The following TG variants were observed in gnomAD, a reference collection of about 807,000 sequenced individuals.
The protein encoded by TG is thyroid hormones.
Under a neutral mutation model 324.7 loss-of-function variants are expected in TG, and 270 were observed. That is an observed-to-expected ratio of 0.83 (90% CI 0.75 to 0.92). TG has a LOEUF of 0.92. Ranked by LOEUF, TG falls within the 40% of genes least tolerant of loss-of-function variation. The pLI is 0.00. For missense variants in TG, 3,591 were observed against 3,456.4 expected, an observed-to-expected ratio of 1.04 and a Z score of -0.98; for synonymous variants, 1,401 against 1,327.0, an observed-to-expected ratio of 1.06 and a Z score of -1.21.
Position 132,919,437 on chromosome 8 carries a change from C to A in TG, c.4440C>A (p.Phe1480Leu). 1 of 1,614,170 alleles carries A rather than the reference C, an allele frequency of 6.2e-7. No individual in the cohort carries two copies. The highest frequency in any genetic ancestry group is 1.1e-5 in the South Asian group (1 of 91,080). The part of the protein sequence containing the change: ...DEECIPCPVG[F>L]YQEQAGSLAC... ...AATGCATTCCTTGTCCTGTTGGATT[C>A]TACCAAGAACAGGCAGGGAGCTTGG... The change falls in exon 21 of 48, where the codon TTC becomes TTA. Residue 1480 changes from phenylalanine to leucine, a missense_variant. Coordinates refer to ENST00000220616, the MANE Select transcript of TG (RefSeq NM_003235.5).
chr8:133,115,002 G>A (rs1850560359), intron 44 of TG, among the ~76,000 whole-genome samples: 1 of 152,152 alleles, frequency 6.6e-6, no homozygotes, highest in East Asian at 1.9e-4. Context: ...ATTTTGGGAG[G>A]CCTTGCCCTG....
chr8:132,892,256 C>G (rs1225285280), intron 10 of TG, among the ~76,000 whole-genome samples: 2 of 152,206 alleles, frequency 1.3e-5, no homozygotes, highest in Non-Finnish European at 2.9e-5. Flanking sequence ...ATCCATCCAT[C>G]CATCATCTGC....
rs79240272 is a variant in TG, at chr8:133,025,559, G to A, written c.7036+3409G>A. On this transcript the variant is annotated intron_variant, in intron 40 of 47. Transcript: ENST00000220616. ...GCACATGTGTTACCCTTGATGAGCC[G>A]ATGGTGGTGCATTATGATTTACTGA... Among the ~76,000 whole-genome samples, 1,382 of 152,170 alleles carry A rather than the reference G, an allele frequency of 9.1e-3. 25 individuals carry two copies. The highest frequency in any genetic ancestry group is 0.031 in the African/African-American group (1,304 of 41,502).
intron 24 of TG, 60 bp from the exon 25 acceptor site, chr8:132,935,696 T>G: frequency 6.8e-7 from 1 of 1,463,302 alleles, no homozygotes; most frequent in Non-Finnish European, 9.5e-7. Context: ...TGGATGAATG[T>G]TTGTTGGATT....
intron 41 of TG, among the ~76,000 whole-genome samples, chr8:133,069,537 A>T (rs1421131061): frequency 6.6e-6 from 1 of 152,318 alleles, no homozygotes; most frequent in East Asian, 1.9e-4. Flanking sequence ...CAGGAAAGCC[A>T]ATTGCCTTAG....
At chr8:132,898,298 T>G in intron 13 of TG, 52 bp downstream of exon 13, 1 of 1,521,132 alleles carries the variant, frequency 6.6e-7, no homozygotes, top group South Asian at 1.2e-5. Context: ...TGGGCATCAC[T>G]GGTCTAGTCA....
At chr8:132,940,361 C>G (rs1438487642) in intron 25 of TG, among the ~76,000 whole-genome samples, 2 of 152,108 alleles carry the variant, frequency 1.3e-5, no homozygotes, top group African/African-American at 4.8e-5. Context: ...CTATAGTGCT[C>G]TATATATCTA....
chr8:132,913,127 T>TC lies in TG; in HGVS notation c.4242dup (p.Lys1415GlnfsTer37), dbSNP rs1563946686. Reference sequence around the variant, plus strand: ...TGGCTCATTCCAGCTTCATCTGGACTCCAAGACGTTCCCAGCGGAAACCAT... The same window carrying TC: ...TGGCTCATTCCAGCTTCATCTGGACTCCCAAGACGTTCCCAGCGGAAACCAT... On this transcript the variant is annotated frameshift_variant, in exon 20 of 48. Transcript: ENST00000220616. LOFTEE classifies it high-confidence loss of function. 1.2e-6 allele frequency: 2 copies of TC among 1,614,176 alleles called. No homozygotes were observed. Among genetic ancestry groups the TC allele is most frequent in the South Asian group, 2.2e-5 (2 of 91,080 alleles).
At chr8:133,082,207 C>A (rs1406787467) in intron 41 of TG, among the ~76,000 whole-genome samples, 1 of 152,146 alleles carries the variant, frequency 6.6e-6, no homozygotes, top group Admixed American at 6.5e-5. Flanking sequence ...ATAACACCAA[C>A]CTTCCTTATC....
At chr8:133,013,869 A>G (rs749801818) in intron 37 of TG, 105 bp downstream of exon 37, 11 of 1,444,416 alleles carry the variant, frequency 7.6e-6, no homozygotes, top group Admixed American at 5.9e-5. Flanking sequence ...TTGTTGGCCA[A>G]AGTTCTGGGC....
At position 132,871,566 on chromosome 8, in the gene TG, G is replaced by C. The variant is rs141561325; in HGVS notation, c.478+15G>C. The C allele has an allele frequency of 2.5e-4, 410 of 1,611,440 alleles. 1 individual carries two copies. Among genetic ancestry groups the C allele is most frequent in the Middle Eastern group, 5.0e-4 (3 of 5,970 alleles). On this transcript the variant is annotated intron_variant, in intron 4 of 47. Coordinates refer to ENST00000220616, the MANE Select transcript of TG (RefSeq NM_003235.5). Reference sequence around the variant, plus strand: ...GCCAAAGCGATGTGAGTTTCACTGAGCGCCTGCACCCCTAGAGCTGGGGAG... The same window carrying C: ...GCCAAAGCGATGTGAGTTTCACTGACCGCCTGCACCCCTAGAGCTGGGGAG...
intron 35 of TG, among the ~76,000 whole-genome samples, chr8:133,003,902 G>A (rs72727483): frequency 6.6e-6 from 1 of 152,324 alleles, no homozygotes; most frequent in Non-Finnish European, 1.5e-5. Flanking sequence ...GTTTGGTCTT[G>A]GGCAAGTCAG....
chr8:133,064,077 G>A (rs35143972), intron 41 of TG: 3 of 152,164 alleles, frequency 2.0e-5, no homozygotes, highest in African/African-American at 7.2e-5. Flanking sequence ...GTGACTCTTA[G>A]GTTTCTGGGT....
intron 26 of TG, among the ~76,000 whole-genome samples, chr8:132,946,437 G>C (rs759504295): frequency 1.2e-4 from 19 of 152,136 alleles, no homozygotes; most frequent in Admixed American, 2.0e-4. Context: ...TACACATAAA[G>C]TATCGGGCAG....
intron 41 of TG, among the ~76,000 whole-genome samples, chr8:133,073,939 T>G (rs1218889456): frequency 6.6e-6 from 1 of 152,100 alleles, no homozygotes; most frequent in Non-Finnish European, 1.5e-5. Context: ...AAAATAACTT[T>G]TTATGCATTG....
intron 35 of TG, among the ~76,000 whole-genome samples, chr8:132,990,337 G>A (rs564518906): frequency 2.6e-5 from 4 of 152,070 alleles, no homozygotes; most frequent in South Asian, 4.2e-4. Flanking sequence ...GAGATACAGA[G>A]TGGTATCTTA....
intron 34 of TG, among the ~76,000 whole-genome samples, chr8:132,977,447 A>G (rs925215188): frequency 6.6e-6 from 1 of 152,172 alleles, no homozygotes; most frequent in Non-Finnish European, 1.5e-5. Flanking sequence ...CTATGAGCCC[A>G]TTAACACTAT....
intron 43 of TG, among the ~76,000 whole-genome samples, chr8:133,097,977 G>A (rs1054292341): frequency 2.0e-5 from 3 of 152,206 alleles, no homozygotes; most frequent in Middle Eastern, 6.8e-3. Flanking sequence ...GCAAGGGGGG[G>A]TGTCAAGTAA....
chr8:132,990,774 C>A (rs1319977376), intron 35 of TG, among the ~76,000 whole-genome samples: 10 of 152,218 alleles, frequency 6.6e-5, no homozygotes, highest in Admixed American at 6.5e-4. Flanking sequence ...GAGGCCCAAA[C>A]TCACATAACC....
Sources: allele counts gnomAD v4.1 joint callset (sites outside exome capture counted in the v4.1 genomes callset), GRCh38; gene constraint gnomAD v4.1.1; transcripts MANE v1.5; gene names NCBI Gene and HGNC (gene_info 2026-07-23, HGNC 2026-07-21).